CFP: variants seen among roughly 807,000 people sequenced by gnomAD.
CFP encodes properdin.
In CFP, 14 loss-of-function variants were observed where a neutral mutation model predicts 42.1. The observed-to-expected ratio is 0.33, with a 90% confidence interval of 0.22 to 0.52. The LOEUF is 0.52. Ranked by LOEUF, CFP falls within the 20% of genes least tolerant of loss-of-function variation. The pLI is 0.96. For synonymous variants in CFP, 149 were observed against 160.6 expected, an observed-to-expected ratio of 0.93 and a Z score of 0.54; for missense variants, 318 against 400.4, an observed-to-expected ratio of 0.79 and a Z score of 1.76.
upstream of CFP, chrX:47,629,984 C>A: frequency 3.4e-6 from 2 of 585,409 alleles, no homozygotes; most frequent in South Asian, 5.2e-5. Context: ...CCCACCCTGT[C>A]CCCTCTGCCT....
chrX:47,625,480 G>C (rs773880034), intron 8 of CFP: 29 of 140,455 alleles, frequency 2.1e-4, no homozygotes, highest in Non-Finnish European at 3.9e-4. Context: ...TCACAGTCTT[G>C]ATGCCAGGAA....
Position 47,624,136 on chromosome X carries a change from C to T in CFP, c.*139G>A. ...GTCTTGGCCCGTGCTGTGCTGTTTG[C>T]CCTATGAGATGCTATCACCCTACTT... On this transcript the variant is annotated 3_prime_UTR_variant, in exon 9 of 9. Coordinates refer to ENST00000396992, the MANE Select transcript of CFP (RefSeq NM_001145252.3). 2 of 634,681 alleles carry T rather than the reference C, an allele frequency of 3.2e-6. No individual in the cohort carries two copies. The highest frequency in any genetic ancestry group is 2.5e-5 in the Admixed American group (1 of 40,069). The allele number at this position is 634,681 out of a possible 1,213,427, so 52.3% of individuals were successfully genotyped here.
At chrX:47,629,188 C>T in intron 2 of CFP, 1 of 267,842 alleles carries the variant, frequency 3.7e-6, no homozygotes, top group Non-Finnish European at 6.7e-6. Flanking sequence ...GGTTCTCAAT[C>T]AGGGGTGATT....
intron 2 of CFP, 26 bp from the exon 3 acceptor site, chrX:47,628,303 A>G: frequency 8.4e-7 from 1 of 1,189,184 alleles, no homozygotes; most frequent in Non-Finnish European, 1.1e-6. Context: ...CACACATCCC[A>G]TCCTGGCATG....
intron 2 of CFP, 127 bp downstream of exon 2, chrX:47,629,397 G>A: frequency 2.0e-6 from 1 of 512,712 alleles, no homozygotes; most frequent in Non-Finnish European, 3.3e-6. Context: ...AAACCCTGAG[G>A]TATGGTCACG....
In CFP at chrX:47,628,153, C is replaced by T. The variant is rs1229240604; in HGVS notation, c.352G>A (p.Gly118Arg). The T allele has an allele frequency of 8.3e-7, 1 of 1,212,023 alleles. No individual in the cohort carries two copies. Among genetic ancestry groups the T allele is most frequent in the South Asian group, 1.8e-5 (1 of 57,001 alleles). ...GCCTGGAGCTGCCACTCCAGGGTCC[C>T]AGGTGCCACCTTTCCAGAGCACTGC... ...NGQCSGKVAPGTLEWQLQACE... is the reference protein window; with the variant it reads ...NGQCSGKVAPRTLEWQLQACE... The change falls in exon 3 of 9, where the codon GGG becomes AGG. Residue 118 changes from glycine (G) to arginine (R), a missense_variant. Gly to Arg is a moderately radical substitution (Grantham distance 125). Transcript: ENST00000396992.
Position 47,624,272 on chromosome X carries a change from G to A in CFP, c.*3C>T. 2.5e-6 allele frequency: 3 copies of A among 1,210,674 alleles called. No individual in the cohort carries two copies. In the African/African-American group the frequency reaches 5.2e-5, roughly 21 times the overall value. ...AGGGGGCTCAGAGTGGAGGAGAGAA[G>A]TGTTAGAGTTCCTCTTCCTCAGGGT... On this transcript the variant is annotated 3_prime_UTR_variant, in exon 9 of 9. Transcript: ENST00000396992.
chrX:47,624,120 C>T lies in CFP; in HGVS notation c.*155G>A. 2 of 563,294 alleles carry T rather than the reference C, an allele frequency of 3.6e-6. No homozygotes were observed. The highest frequency in any genetic ancestry group is 6.1e-6 in the Non-Finnish European group (2 of 327,876). The allele number at this position is 563,294 out of a possible 1,213,427, so 46.4% of individuals were successfully genotyped here. ...CGCAACAGGCTGCTGTGTCTTGGCC[C>T]GTGCTGTGCTGTTTGCCCTATGAGA... On this transcript the variant is annotated 3_prime_UTR_variant, in exon 9 of 9. Transcript: ENST00000396992.
intron 3 of CFP, 26 bp downstream of exon 3, chrX:47,628,076 T>C: frequency 8.3e-7 from 1 of 1,209,006 alleles, no homozygotes; most frequent in Non-Finnish European, 1.1e-6. Context: ...CAGGGAGTGC[T>C]TGCCCGCCTT....
chrX:47,628,461 G>C (rs1172916586), intron 2 of CFP, 184 bp from the exon 3 acceptor site: 9 of 524,645 alleles, frequency 1.7e-5, no homozygotes, highest in Non-Finnish European at 3.0e-5. Context: ...ATAAGTGCTT[G>C]ATAATGTCAT....
rs11558787 is a variant in CFP at position 47,628,198 on chromosome X, G to A, written c.307C>T (p.Arg103Cys). 3.3e-6 allele frequency: 4 copies of A among 1,209,298 alleles called. No individual in the cohort carries two copies. Among genetic ancestry groups the A allele is most frequent in the East Asian group, 3.0e-5 (1 of 33,742 alleles). Residue 103 changes from arginine (R) to cysteine (C), a missense_variant, in exon 3 of 9, where the codon CGC becomes TGC. Physicochemically the swap from Arg to Cys is radical, Grantham distance 180 (BLOSUM62 -3). Coordinates refer to ENST00000396992, the MANE Select transcript of CFP (RefSeq NM_001145252.3). ...CSEGSQLRYR[R>C]CVGWNGQCSG... is the part of the protein sequence containing the mutation. Reference sequence around the variant, plus strand: ...CACTGCCCATTCCAGCCCACACAGCGCCGGTACCGCAGCTGGGAGCCCTCA... The same window carrying A: ...CACTGCCCATTCCAGCCCACACAGCACCGGTACCGCAGCTGGGAGCCCTCA...
chrX:47,627,775 C>T (rs2057975455), intron 3 of CFP, 134 bp from the exon 4 acceptor site: 1 of 717,742 alleles, frequency 1.4e-6, no homozygotes, highest in African/African-American at 2.2e-5. Flanking sequence ...CATCCCCGCT[C>T]ACCGGGCCTG....
chrX:47,626,165 T>G lies in CFP; in HGVS notation c.1137A>C (p.Lys379Asn), dbSNP rs1430361021. ...AGGTACTCCACTCTGACCATGATCC[T>G]TTCACTGCAATGAGGGGTAGGGGTC... ...HCYSIQHCPLKGSWSEWSTWG... is the reference protein window; with the variant it reads ...HCYSIQHCPLNGSWSEWSTWG... The change falls in exon 8 of 9, where the codon AAA becomes AAC. Residue 379 changes from lysine (K) to asparagine (N), a missense_variant. Physicochemically the swap from Lys to Asn is moderately conservative, Grantham distance 94. Coordinates refer to ENST00000396992, the MANE Select transcript of CFP (RefSeq NM_001145252.3). The G allele has an allele frequency of 8.6e-7, 1 of 1,165,881 alleles. No individual in the cohort carries two copies. The highest frequency in any genetic ancestry group is 3.2e-5 in the East Asian group (1 of 31,533).
intron 2 of CFP, 95 bp downstream of exon 2, chrX:47,629,429 T>G: frequency 1.4e-6 from 1 of 719,166 alleles, no homozygotes; most frequent in Non-Finnish European, 2.1e-6. Flanking sequence ...AGGGCCACCC[T>G]TGGAAGTCCC....
chrX:47,628,620 A>C (rs2057978903), intron 2 of CFP: 4 of 390,269 alleles, frequency 1.0e-5, no homozygotes, highest in Non-Finnish European at 1.9e-5. Context: ...AGGTAAATAG[A>C]AAGTGCTTAA....
Position 47,627,526 on chromosome X carries a change from G to A in CFP, c.519C>T (p.His173=), listed in dbSNP as rs2057974455. 2.5e-6 allele frequency: 3 copies of A among 1,211,125 alleles called. No homozygotes were observed. Among genetic ancestry groups the A allele is most frequent in the Non-Finnish European group, 3.4e-6 (3 of 895,022 alleles). Residue 173 remains histidine, a synonymous_variant, in exon 4 of 9, where the codon CAC becomes CAT. Transcript: ENST00000396992. The part of the protein sequence containing the change: ...CNHPAPKCGG[H]CPGQAQESEA... Reference sequence around the variant, plus strand: ...CTGATTCCTGTGCCTGTCCTGGGCAGTGGCCCCCACACTTGGGAGCAGGGT... The same window carrying A: ...CTGATTCCTGTGCCTGTCCTGGGCAATGGCCCCCACACTTGGGAGCAGGGT...
At position 47,624,197 on chromosome X, in the gene CFP, G is replaced by T. The variant is rs2057958945; in HGVS notation, c.*78C>A. 2.7e-6 allele frequency: 3 copies of T among 1,100,870 alleles called. No individual in the cohort carries two copies. The highest frequency in any genetic ancestry group is 3.8e-6 in the Non-Finnish European group (3 of 795,985). The allele number at this position is 1,100,870 out of a possible 1,213,427, so 90.7% of individuals were successfully genotyped here. On this transcript the variant is annotated 3_prime_UTR_variant, in exon 9 of 9. Coordinates refer to ENST00000396992, the MANE Select transcript of CFP (RefSeq NM_001145252.3). ...GGATAGGTTGTTTTTCCTCCTTTAA[G>T]GAATCGTAGACGAACTCGAAGAGGC...
At position 47,624,006 on chromosome X, in the gene CFP, G is replaced by A. The variant is rs2057958129; in HGVS notation, c.*269C>T. On this transcript the variant is annotated 3_prime_UTR_variant, in exon 9 of 9. Transcript: ENST00000396992. ...GGGGGCTGCGCAGGGCCCAGACATT[G>A]GGGTTATGGCAGCGGCGGGGAGAGG... 2.6e-6 allele frequency: 1 copy of A among 378,772 alleles called. No homozygotes were observed. The highest frequency in any genetic ancestry group is 4.8e-5 in the East Asian group (1 of 20,980). 31.2% of individuals were successfully genotyped at this position (378,772 alleles called of 1,213,427 possible).
In CFP at chrX:47,624,181, G is replaced by T; in HGVS notation, c.*94C>A. 2 of 1,020,181 alleles carry T rather than the reference G, an allele frequency of 2.0e-6. No individual in the cohort carries two copies. Among genetic ancestry groups the T allele is most frequent in the Non-Finnish European group, 2.8e-6 (2 of 721,507 alleles). The allele number at this position is 1,020,181 out of a possible 1,213,427, so 84.1% of individuals were successfully genotyped here. ...CTACTTTTGGGGAAGGGGATAGGTT[G>T]TTTTTCCTCCTTTAAGGAATCGTAG... On this transcript the variant is annotated 3_prime_UTR_variant, in exon 9 of 9. Transcript: ENST00000396992.
Sources: allele counts gnomAD v4.1 joint callset, GRCh38; gene constraint gnomAD v4.1.1; transcripts MANE v1.5; gene names NCBI Gene and HGNC (gene_info 2026-07-23, HGNC 2026-07-21).